The following MCTP2 variants were observed in gnomAD, a reference collection of about 807,000 sequenced individuals.
MCTP2 encodes multiple C2 and transmembrane domain-containing protein 2.
Under a neutral mutation model 111.6 loss-of-function variants are expected in MCTP2, and 132 were observed. The ratio of observed to expected loss-of-function variants is 1.18; its 90% CI spans 1.03 to 1.37. MCTP2 has a LOEUF of 1.37. Among genes scored for constraint, MCTP2 ranks in the 40% most tolerant of loss-of-function variants. The pLI, the probability that MCTP2 is intolerant of heterozygous loss-of-function variation, is 0.00. For missense variants in MCTP2, 1,183 were observed against 1,067.9 expected (o/e 1.11, Z -1.50); for synonymous variants, 395 against 387.7 (o/e 1.02, Z -0.22).
rs1343230013 is a variant in MCTP2 at position 94,341,011 on chromosome 15, T to C, written c.969+87T>C. 8 of 821,858 alleles carry C rather than the reference T, an allele frequency of 9.7e-6. No homozygotes were observed. The East Asian group carries it at 1.5e-4, about 16-fold the overall frequency. The allele number at this position is 821,858 out of a possible 1,614,324, so 50.9% of individuals were successfully genotyped here. A position where few individuals can be genotyped will look rare whatever the true frequency, so the allele number is the denominator to read the frequency against. On this transcript the variant is annotated intron_variant, in intron 7 of 22. Transcript: ENST00000357742. ...CAATTGTCCCTTGATAGCTAGCAGA[T>C]GACTGATGTTTTTGCAATTATTTTA...
At chr15:94,477,215 T>C (rs2074438157) in intron 22 of MCTP2, among the ~76,000 whole-genome samples, 1 of 152,200 alleles carries the variant, frequency 6.6e-6, no homozygotes, top group Non-Finnish European at 1.5e-5. Context: ...TATTCTCATT[T>C]GCCCTGATTT....
At chr15:94,261,237 C>T (rs1347194084) in intron 1 of MCTP2, among the ~76,000 whole-genome samples, 2 of 152,180 alleles carry the variant, frequency 1.3e-5, no homozygotes, top group African/African-American at 4.8e-5. Flanking sequence ...CCCCCAACCC[C>T]CTTGGGCACT....
At chr15:94,347,687 G>C (rs1007127194) in intron 8 of MCTP2, among the ~76,000 whole-genome samples, 1 of 152,066 alleles carries the variant, frequency 6.6e-6, no homozygotes, top group Admixed American at 6.5e-5. Context: ...ACAATCTTTG[G>C]TGTGACCAGA....
chr15:94,302,969 C>A (rs1394476665), intron 2 of MCTP2, among the ~76,000 whole-genome samples: 1 of 151,330 alleles, frequency 6.6e-6, no homozygotes, highest in Non-Finnish European at 1.5e-5. Flanking sequence ...AGGAGCAAGT[C>A]ATGTCTTACA....
chr15:94,354,153 AC>A (rs2078473409), intron 8 of MCTP2, among the ~76,000 whole-genome samples: 1 of 152,140 alleles, frequency 6.6e-6, no homozygotes, highest in Non-Finnish European at 1.5e-5. Context: ...ACTTATGTTC[AC>A]CAGAGAAGAG....
chr15:94,470,368 T>C lies in MCTP2; in HGVS notation c.2396T>C (p.Leu799Pro). Residue 799 changes from leucine to proline, a missense_variant, in exon 21 of 23, where the codon CTG (leucine) becomes CCG (proline). Physicochemically the swap from Leu to Pro is moderately conservative, Grantham distance 98. Transcript: ENST00000357742. ...TGGACGGTCCCCTTCCTTTCATCTC[T>C]GGCCTGTTTGATTCTGGCAGCAGCC... ...FNWTVPFLSSLACLILAAATI... is the reference protein window; with the variant it reads ...FNWTVPFLSSPACLILAAATI... 6.2e-7 allele frequency: 1 copy of C among 1,613,838 alleles called. No homozygotes were observed. The highest frequency in any genetic ancestry group is 1.3e-5 in the African/African-American group (1 of 75,056).
At chr15:94,267,927 G>A (rs1455983682) in intron 1 of MCTP2, among the ~76,000 whole-genome samples, 8 of 128,068 alleles carry the variant, frequency 6.2e-5, no homozygotes, top group African/African-American at 1.8e-4. Context: ...GTGCAGAGGC[G>A]TGATCTTGGC....
At chr15:94,456,142 C>A (rs919487522) in intron 19 of MCTP2, among the ~76,000 whole-genome samples, 1 of 152,128 alleles carries the variant, frequency 6.6e-6, no homozygotes, top group East Asian at 1.9e-4. Context: ...ATTAACAAGT[C>A]CAGATGATAA....
At chr15:94,242,391 G>A (rs1226041461) in intron 1 of MCTP2, among the ~76,000 whole-genome samples, 3 of 152,138 alleles carry the variant, frequency 2.0e-5, no homozygotes, top group Non-Finnish European at 4.4e-5. Flanking sequence ...TCAAGGAAAA[G>A]AGGGAGTCTG....
At chr15:94,313,114 T>G (rs1311033321) in intron 2 of MCTP2, among the ~76,000 whole-genome samples, 2 of 152,088 alleles carry the variant, frequency 1.3e-5, no homozygotes, top group Non-Finnish European at 2.9e-5. Context: ...GGAGGGGAAA[T>G]TCCGTGGTTT....
chr15:94,290,199 A>C (rs1210880064), intron 1 of MCTP2, among the ~76,000 whole-genome samples: 1 of 152,182 alleles, frequency 6.6e-6, no homozygotes, highest in Non-Finnish European at 1.5e-5. Flanking sequence ...TCAGCCTGAC[A>C]AGACCCATCT....
chr15:94,329,318 A>G (rs2077032374), intron 4 of MCTP2, among the ~76,000 whole-genome samples: 1 of 152,218 alleles, frequency 6.6e-6, no homozygotes, highest in South Asian at 2.1e-4. Context: ...TTTAAGGCAC[A>G]ACATGATGTT....
intron 1 of MCTP2, among the ~76,000 whole-genome samples, chr15:94,261,726 G>A (rs2073194296): frequency 6.6e-6 from 1 of 152,152 alleles, no homozygotes; most frequent in South Asian, 2.1e-4. Context: ...TGTTCATTAG[G>A]TCATGTTAAT....
intron 1 of MCTP2, among the ~76,000 whole-genome samples, chr15:94,297,542 G>A (rs141305482): frequency 1.9e-4 from 29 of 152,168 alleles, no homozygotes; most frequent in African/African-American, 6.7e-4. Flanking sequence ...AGTCGATAGG[G>A]CCATGTTTTT....
At chr15:94,455,396 T>C (rs971183444) in intron 19 of MCTP2, among the ~76,000 whole-genome samples, 2 of 152,052 alleles carry the variant, frequency 1.3e-5, no homozygotes, top group African/African-American at 4.8e-5. Context: ...ACATTTTTGT[T>C]GTGAGTTTTC....
intron 1 of MCTP2, among the ~76,000 whole-genome samples, chr15:94,245,630 ATATACT>A (rs1481428430): frequency 0.012 from 1,760 of 145,800 alleles, 12 homozygotes; most frequent in African/African-American, 0.02. Context: ...GTATATATAC[ATATACT>A]TATACATATA....
intron 17 of MCTP2, among the ~76,000 whole-genome samples, chr15:94,417,418 T>C (rs1293964484): frequency 6.6e-6 from 1 of 152,162 alleles, no homozygotes; most frequent in Admixed American, 6.6e-5. Context: ...AGATTTTGAA[T>C]GTAACAGGTC....
intron 17 of MCTP2, among the ~76,000 whole-genome samples, chr15:94,414,797 C>T (rs2082302567): frequency 6.6e-6 from 1 of 152,124 alleles, no homozygotes; most frequent in Non-Finnish European, 1.5e-5. Context: ...TCCATTCACG[C>T]CCCATGATCA....
At position 94,348,384 on chromosome 15, in the gene MCTP2, C is replaced by G. The variant is rs140287583; in HGVS notation, c.1005+3220C>G. ...CCATCCCCCTTCTCTCTCTCCCTCT[C>G]CGTTCCCCCTTCCCTCTCCATCCCC... On this transcript the variant is annotated intron_variant, in intron 8 of 22. Transcript: ENST00000357742. 4.6e-4 allele frequency among the ~76,000 whole-genome samples: 58 copies of G among 125,394 alleles called. 1 individual carries two copies. The highest frequency in any genetic ancestry group is 1.7e-3 in the African/African-American group (53 of 30,880). The allele number at this position is 125,394 out of a possible 152,430, so 82.3% of individuals were successfully genotyped here. A position where few individuals can be genotyped will look rare whatever the true frequency, so the allele number is the denominator to read the frequency against.
Sources: gnomAD v4.1 joint callset for allele counts (sites outside exome capture counted in the v4.1 genomes callset) on GRCh38, gnomAD v4.1.1 for gene constraint, MANE v1.5 for transcripts, NCBI Gene and HGNC (gene_info 2026-07-23, HGNC 2026-07-21) for gene names.